Variants in DHX36 observed in about 807,000 individuals in gnomAD.
The protein encoded by DHX36 is ATP-dependent DNA/RNA helicase DHX36.
Under a neutral mutation model 139.0 loss-of-function variants are expected in DHX36, and 50 were observed. That is an observed-to-expected ratio of 0.36 (90% CI 0.29 to 0.46). The LOEUF (loss-of-function observed/expected upper bound fraction) is 0.46, where lower values mean the gene tolerates loss of function less well. Ranked by LOEUF, DHX36 falls within the 20% of genes least tolerant of loss-of-function variation. DHX36 has a pLI of 1.00. For missense variants in DHX36, 1,024 were observed against 1,211.3 expected (o/e 0.85, Z 2.29); for synonymous variants, 425 against 401.9 (o/e 1.06, Z -0.69).
intron 2 of DHX36, among the ~76,000 whole-genome samples, chr3:154,315,723 A>C (rs1712953409): frequency 6.6e-6 from 1 of 152,064 alleles, no homozygotes; most frequent in Admixed American, 6.6e-5. Context: ...TCTTTCTAAA[A>C]CGGTAGCAAT....
intron 22 of DHX36, chr3:154,279,558 A>G (rs1230791992): frequency 6.6e-6 from 1 of 152,216 alleles, no homozygotes; most frequent in African/African-American, 2.4e-5. Flanking sequence ...ATTAAAATTC[A>G]TCAGCTACCC....
chr3:154,321,486 C>T (rs1158796312), intron 1 of DHX36, among the ~76,000 whole-genome samples: 2 of 152,186 alleles, frequency 1.3e-5, no homozygotes, highest in East Asian at 3.9e-4. Flanking sequence ...TAGGTGATAG[C>T]CCATATTCTC....
intron 3 of DHX36, 31 bp downstream of exon 3, chr3:154,315,015 G>A: frequency 6.7e-7 from 1 of 1,482,174 alleles, no homozygotes; most frequent in Non-Finnish European, 9.3e-7. Flanking sequence ...AGAAAAAAAT[G>A]ACAAAATATT....
intron 12 of DHX36, 141 bp downstream of exon 12, chr3:154,299,696 CT>C (rs1361662438): frequency 1.4e-6 from 1 of 699,392 alleles, no homozygotes; most frequent in African/African-American, 1.8e-5. Flanking sequence ...AAAATATTCT[CT>C]TCATAATACT....
At chr3:154,300,822 G>T in intron 10 of DHX36, 126 bp from the exon 11 acceptor site, 2 of 1,224,350 alleles carry the variant, frequency 1.6e-6, no homozygotes, top group Non-Finnish European at 2.4e-6. Context: ...GAGAATTACT[G>T]GGGTAATTAC....
chr3:154,283,410 A>T, intron 19 of DHX36, 139 bp from the exon 20 acceptor site: 3 of 620,592 alleles, frequency 4.8e-6, no homozygotes, highest in Non-Finnish European at 8.5e-6. Flanking sequence ...GAATTTTATA[A>T]CTGATAAAAC....
chr3:154,311,030 C>A lies in DHX36; in HGVS notation c.642+606G>T, dbSNP rs1712741738. Among the ~76,000 whole-genome samples, 4 of 151,124 alleles carry A rather than the reference C, an allele frequency of 2.6e-5. No homozygotes were observed. In the South Asian group the frequency reaches 8.4e-4, roughly 32 times the overall value. ...TACTGGAAGTCTTTAGAATGCCAGG[C>A]ACTGTTCTGAGTCAAGAGACACAGA... On this transcript the variant is annotated intron_variant, in intron 4 of 24. Coordinates refer to ENST00000496811, the MANE Select transcript of DHX36 (RefSeq NM_020865.3).
rs1466688759 is a variant in DHX36, at chr3:154,284,646, T to G, written c.2229A>C (p.Ala743=). Residue 743 remains alanine (A), a synonymous_variant, in exon 19 of 25, where the codon GCA becomes GCC. Transcript: ENST00000496811. The stretch of plus-strand genomic sequence containing the variant: ...TATCCTTTGCCAATTCCTTTCTTCT[T>G]GCATCTGCAATCTTTTCTTTTCCCT... ...IPLGKEKIAD[A]RRKELAKDTR... is the part of the protein sequence containing the mutation. The G allele has an allele frequency of 6.2e-7, 1 of 1,612,732 alleles. No homozygotes were observed. Among genetic ancestry groups the G allele is most frequent in the African/African-American group, 1.3e-5 (1 of 74,908 alleles).
intron 1 of DHX36, 144 bp downstream of exon 1, chr3:154,324,030 C>G: frequency 1.0e-6 from 1 of 967,400 alleles, no homozygotes. Context: ...CTACGGGGAG[C>G]GCCAGCATAA....
chr3:154,274,337 CA>C lies in DHX36; in HGVS notation c.*1833del. ...AAACAAAAAACAAAACAAAACAAAA[CA>C]AAAAACCAACAAAAAACTAACAATA... is the stretch of plus-strand genomic sequence containing the variant. On this transcript the variant is annotated 3_prime_UTR_variant, in exon 25 of 25. Transcript: ENST00000496811. 1 of 190,084 alleles carries C rather than the reference CA, an allele frequency of 5.3e-6. No homozygotes were observed. The highest frequency in any genetic ancestry group is 1.1e-5 in the Non-Finnish European group (1 of 94,532). The allele number at this position is 190,084 out of a possible 1,614,324, so 11.8% of individuals were successfully genotyped here. A position where few individuals can be genotyped will look rare whatever the true frequency, so the allele number is the denominator to read the frequency against.
intron 2 of DHX36, among the ~76,000 whole-genome samples, chr3:154,315,819 C>T (rs73872812): frequency 0.011 from 1,725 of 152,152 alleles, 31 homozygotes; most frequent in African/African-American, 0.04. Context: ...CAACTTAATA[C>T]ATCTCATATC....
In DHX36 at chr3:154,304,840, T is replaced by C. The variant is rs1193556661; in HGVS notation, c.1101A>G (p.Ala367=). Residue 367 remains alanine, a synonymous_variant, in exon 8 of 25, where the codon GCA becomes GCG. Coordinates refer to ENST00000496811, the MANE Select transcript of DHX36 (RefSeq NM_020865.3). ...RSDLKVILMS[A]TLNAEKFSEY... is the part of the protein sequence containing the mutation. ...CTGAAAACTTTTCTGCATTCAATGT[T>C]GCACTCATCAATATTACTTTCAAGT... 1.2e-6 allele frequency: 2 copies of C among 1,601,906 alleles called. No individual in the cohort carries two copies. The highest frequency in any genetic ancestry group is 1.7e-6 in the Non-Finnish European group (2 of 1,176,094).
At chr3:154,300,064 C>CT (rs573027975) in intron 11 of DHX36, 139 bp from the exon 12 acceptor site, 8,256 of 488,460 alleles carry the variant, frequency 0.017, no homozygotes, top group East Asian at 0.019. Context: ...AGTATATAAG[C>CT]TTTTTTTTTT....
intron 2 of DHX36, 132 bp from the exon 3 acceptor site, chr3:154,315,412 T>C (rs1712942445): frequency 1.8e-6 from 1 of 566,318 alleles, no homozygotes; most frequent in South Asian, 3.4e-5. Flanking sequence ...TTTCTCTTAG[T>C]ACAGTAATTA....
rs370320973 is a variant in DHX36 at position 154,297,189 on chromosome 3, T to G, written c.1550-1850A>C. Among the ~76,000 whole-genome samples, 6 of 152,192 alleles carry G rather than the reference T, an allele frequency of 3.9e-5. No individual in the cohort carries two copies. In the East Asian group the frequency reaches 9.6e-4, roughly 24 times the overall value. ...GACACTTTCTATAGTTTGAACAGGCTAGTTGTGAAAGACACTTTTCAGAAA... is the reference window on the plus strand; with the variant it reads ...GACACTTTCTATAGTTTGAACAGGCGAGTTGTGAAAGACACTTTTCAGAAA... On this transcript the variant is annotated intron_variant, in intron 12 of 24. Coordinates refer to ENST00000496811, the MANE Select transcript of DHX36 (RefSeq NM_020865.3).
chr3:154,273,756 T>C lies in DHX36; in HGVS notation c.*2415A>G, dbSNP rs186229373. On this transcript the variant is annotated 3_prime_UTR_variant, in exon 25 of 25. Transcript: ENST00000496811. ...TGCTGTTAATGGATCACTGTAGCAT[T>C]ATCAATACATCCCAGTCATTGTATG... 1.3e-5 allele frequency: 2 copies of C among 152,318 alleles called. No homozygotes were observed. The highest frequency in any genetic ancestry group is 2.9e-5 in the Non-Finnish European group (2 of 68,010). The allele number at this position is 152,318 out of a possible 1,614,324, so 9.4% of individuals were successfully genotyped here.
rs1487147386 is a variant in DHX36 at position 154,299,484 on chromosome 3, C to T, written c.1549+354G>A. 3.3e-5 allele frequency among the ~76,000 whole-genome samples: 5 copies of T among 152,006 alleles called. No homozygotes were observed. The East Asian group carries it at 9.7e-4, about 29-fold the overall frequency. ...TTTTAACAACTTCAGATGTTCAGGT[C>T]GCATTCTTAGATTTGGGGTGATGAT... On this transcript the variant is annotated intron_variant, in intron 12 of 24. Transcript: ENST00000496811.
chr3:154,292,399 G>T (rs1461609296), intron 15 of DHX36, 152 bp downstream of exon 15: 12 of 1,101,898 alleles, frequency 1.1e-5, no homozygotes, highest in Non-Finnish European at 2.6e-6. Flanking sequence ...ACTACGATTA[G>T]AACAACTTTC....
At chr3:154,306,536 C>CT (rs2108356894) in intron 5 of DHX36, among the ~76,000 whole-genome samples, 1 of 152,258 alleles carries the variant, frequency 6.6e-6, no homozygotes, top group African/African-American at 2.4e-5. Flanking sequence ...TTTCAAAGTG[C>CT]CTTTCTATAG....
Sources: gnomAD v4.1 joint callset for allele counts (sites outside exome capture counted in the v4.1 genomes callset) on GRCh38, gnomAD v4.1.1 for gene constraint, MANE v1.5 for transcripts, NCBI Gene and HGNC (gene_info 2026-07-23, HGNC 2026-07-21) for gene names.